Variants in GUCY2C observed in about 807,000 individuals in gnomAD.
GUCY2C encodes guanylyl cyclase C.
Under a neutral mutation model 131.1 loss-of-function variants are expected in GUCY2C, and 118 were observed. The ratio of observed to expected loss-of-function variants is 0.90; its 90% CI spans 0.78 to 1.05. The LOEUF is 1.05. GUCY2C is among the 50% of genes least tolerant of loss of function. The pLI is 0.00. For missense variants in GUCY2C, 1,161 were observed against 1,304.4 expected (o/e 0.89, Z 1.69); for synonymous variants, 452 against 457.8 (o/e 0.99, Z 0.16).
At chr12:14,670,415 A>G (rs1948081774) in intron 9 of GUCY2C, among the ~76,000 whole-genome samples, 1 of 152,218 alleles carries the variant, frequency 6.6e-6, no homozygotes, top group Non-Finnish European at 1.5e-5. Flanking sequence ...CTAAAATAAA[A>G]GATTTCATTT....
At chr12:14,692,135 A>C (rs1192587670) in intron 1 of GUCY2C, among the ~76,000 whole-genome samples, 1 of 152,170 alleles carries the variant, frequency 6.6e-6, no homozygotes, top group Non-Finnish European at 1.5e-5. Context: ...CAGGGGATCC[A>C]TGAGGTCAAA....
At chr12:14,650,468 G>A (rs1229275404) in intron 15 of GUCY2C, among the ~76,000 whole-genome samples, 4 of 152,082 alleles carry the variant, frequency 2.6e-5, no homozygotes, top group African/African-American at 4.8e-5. Flanking sequence ...AGATGGTCTC[G>A]ATCTCCTGAC....
At chr12:14,634,934 C>T (rs923707589) in intron 19 of GUCY2C, among the ~76,000 whole-genome samples, 1 of 152,142 alleles carries the variant, frequency 6.6e-6, no homozygotes, top group Admixed American at 6.5e-5. Context: ...TAAACATATA[C>T]ACACCCAACA....
chr12:14,614,472 C>A, intron 26 of GUCY2C: 1 of 166,090 alleles, frequency 6.0e-6, no homozygotes, highest in Non-Finnish European at 1.3e-5. Flanking sequence ...AATGAAATAA[C>A]AAAATCTCCT....
At chr12:14,690,425 C>T (rs576964348) in intron 1 of GUCY2C, among the ~76,000 whole-genome samples, 3 of 152,298 alleles carry the variant, frequency 2.0e-5, no homozygotes, top group South Asian at 2.1e-4. Context: ...CTAGGCACCA[C>T]GTTTTAGAAG....
chr12:14,694,663 C>G (rs970824580), intron 1 of GUCY2C, among the ~76,000 whole-genome samples: 1 of 152,268 alleles, frequency 6.6e-6, no homozygotes, highest in Non-Finnish European at 1.5e-5. Flanking sequence ...AGATCAAATC[C>G]GTTCACTTAT....
rs150827032 is a variant in GUCY2C, at chr12:14,671,070, T to C, written c.1171-1237A>G. On this transcript the variant is annotated intron_variant, in intron 9 of 26. Transcript: ENST00000261170. ...TGATTCAATTACCTCCCCTGGTCCC[T>C]CCCACAACACGTGGGAATTCTGGGA... Among the ~76,000 whole-genome samples the C allele has an allele frequency of 9.9e-4, 151 of 152,012 alleles. 2 individuals are homozygous for C. In the East Asian group the frequency reaches 0.015, roughly 15 times the overall value.
chr12:14,631,391 C>G (rs1947143994), intron 19 of GUCY2C, among the ~76,000 whole-genome samples: 1 of 146,270 alleles, frequency 6.8e-6, no homozygotes, highest in African/African-American at 2.6e-5. Context: ...CTCCCCCTAC[C>G]CCATAACAGT....
chr12:14,650,124 A>G (rs1350100050), intron 15 of GUCY2C, among the ~76,000 whole-genome samples: 1 of 152,180 alleles, frequency 6.6e-6, no homozygotes, highest in Non-Finnish European at 1.5e-5. Flanking sequence ...TAGCAAGTGC[A>G]TTTTAAAATT....
chr12:14,681,351 C>G lies in GUCY2C; in HGVS notation c.733+5G>C, dbSNP rs371650642. ...CAAAAAACAATTATCTTCATGTCTTCTTACCATTGCTTTTCCTGTTGTGGT... is the reference window on the plus strand; with the variant it reads ...CAAAAAACAATTATCTTCATGTCTTGTTACCATTGCTTTTCCTGTTGTGGT... On this transcript the variant is annotated splice_donor_5th_base_variant and intron_variant, in intron 5 of 26. Coordinates refer to ENST00000261170, the MANE Select transcript of GUCY2C (RefSeq NM_004963.4). 2.8e-5 allele frequency: 45 copies of G among 1,612,136 alleles called. No individual in the cohort carries two copies. The African/African-American group carries it at 5.9e-4, about 21-fold the overall frequency.
intron 5 of GUCY2C, 70 bp downstream of exon 5, chr12:14,681,286 A>G: frequency 7.2e-7 from 1 of 1,387,160 alleles, no homozygotes; most frequent in African/African-American, 1.4e-5. Flanking sequence ...ATTTGTTGAA[A>G]TGACTTATAA....
Position 14,683,202 on chromosome 12 carries a change from A to T in GUCY2C, c.451T>A (p.Cys151Ser). The T allele has an allele frequency of 6.2e-7, 1 of 1,613,750 alleles. No individual in the cohort carries two copies. Among genetic ancestry groups the T allele is most frequent in the Non-Finnish European group, 8.5e-7 (1 of 1,179,698 alleles). ...CTGGTTAAGGTTTCTTTATAGTCAC[A>T]TGACAATCCAAAACTTCCAGCTGAG... ...MISAGSFGLSCDYKETLTRLM... is the reference protein window; with the variant it reads ...MISAGSFGLSSDYKETLTRLM... Residue 151 changes from cysteine to serine, a missense_variant, in exon 4 of 27, where the codon TGT becomes AGT. Cys to Ser is a moderately radical substitution (Grantham distance 112). Transcript: ENST00000261170.
rs748259857 is a variant in GUCY2C, at chr12:14,687,950, C to G, written c.330+1G>C. The G allele has an allele frequency of 1.9e-6, 3 of 1,572,996 alleles. No homozygotes were observed. The highest frequency in any genetic ancestry group is 2.2e-5 in the East Asian group (1 of 44,674). On this transcript the variant is annotated splice_donor_variant, in intron 2 of 26. Transcript: ENST00000261170. LOFTEE classifies it high-confidence loss of function. ...CTGCATCCACAAAAGCAAATACTTA[C>G]TGAAATTTTCCTGAGTAGGTCGAGG...
At chr12:14,639,334 T>C (rs1184366831) in intron 19 of GUCY2C, among the ~76,000 whole-genome samples, 1 of 148,576 alleles carries the variant, frequency 6.7e-6, no homozygotes, top group Non-Finnish European at 1.5e-5. Flanking sequence ...GAGAATGAGA[T>C]GTGTGCTTTA....
At position 14,622,168 on chromosome 12, in the gene GUCY2C, C is replaced by G. The variant is rs1946910489; in HGVS notation, c.2438G>C (p.Gly813Ala). ...CTCATATAGTTCCGGCTCCACAAAGCCTTTCTCCTTCAGAGACTTTACCAC... is the reference window on the plus strand; with the variant it reads ...CTCATATAGTTCCGGCTCCACAAAGGCTTTCTCCTTCAGAGACTTTACCAC... ...RLVVKSLKEK[G>A]FVEPELYEEV... is the part of the protein sequence containing the mutation. The change falls in exon 22 of 27, where the codon GGC becomes GCC. Residue 813 changes from glycine to alanine, a missense_variant. By Grantham distance (60) the Gly-to-Ala change is moderately conservative. Coordinates refer to ENST00000261170, the MANE Select transcript of GUCY2C (RefSeq NM_004963.4). The G allele has an allele frequency of 6.3e-7, 1 of 1,575,272 alleles. No homozygotes were observed. The highest frequency in any genetic ancestry group is 1.7e-4 in the Middle Eastern group (1 of 5,982).
Position 14,621,989 on chromosome 12 carries a change from T to C in GUCY2C, c.2601+16A>G. 1 of 1,557,904 alleles carries C rather than the reference T, an allele frequency of 6.4e-7. No individual in the cohort carries two copies. Among genetic ancestry groups the C allele is most frequent in the African/African-American group, 1.4e-5 (1 of 72,862 alleles). On this transcript the variant is annotated intron_variant, in intron 22 of 26. Transcript: ENST00000261170. ...TGTACAATTAATGGTTTCAGCCTGTTAGGTGATGTGGTTACCTTGTAGACA... is the reference window on the plus strand; with the variant it reads ...TGTACAATTAATGGTTTCAGCCTGTCAGGTGATGTGGTTACCTTGTAGACA...
chr12:14,663,359 C>A (rs549928481), intron 10 of GUCY2C, among the ~76,000 whole-genome samples: 1 of 152,206 alleles, frequency 6.6e-6, no homozygotes, highest in African/African-American at 2.4e-5. Flanking sequence ...CTCGGCTCAC[C>A]GCAACCTCCA....
chr12:14,652,978 G>A lies in GUCY2C; in HGVS notation c.1507C>T (p.Leu503=). ...TTTTTGTCGTATTTGCACTGTCGTA[G>A]TCTCTGGATTGTATCTCGTCTTTTG... ...DDKRRDTIQR[L]RQCKYDKKRV... The change falls in exon 13 of 27, where the codon CTA becomes TTA. Residue 503 remains leucine (L), a synonymous_variant. Transcript: ENST00000261170. 6.2e-7 allele frequency: 1 copy of A among 1,612,020 alleles called. No individual in the cohort carries two copies. Among genetic ancestry groups the A allele is most frequent in the Non-Finnish European group, 8.5e-7 (1 of 1,178,086 alleles).
intron 24 of GUCY2C, among the ~76,000 whole-genome samples, chr12:14,618,238 CTCTTGCCTGTAAT>C (rs1380871142): frequency 6.6e-6 from 1 of 152,214 alleles, no homozygotes; most frequent in African/African-American, 2.4e-5. Flanking sequence ...GGTATGATGG[CTCTTGCCTGTAAT>C]TCCAACACTT....
Sources: allele counts gnomAD v4.1 joint callset (sites outside exome capture counted in the v4.1 genomes callset), GRCh38; gene constraint gnomAD v4.1.1; transcripts MANE v1.5; gene names NCBI Gene and HGNC (gene_info 2026-07-23, HGNC 2026-07-21).